Variants in SMIM10L3 observed in about 807,000 individuals in gnomAD.
The protein encoded by SMIM10L3 is salivary gland specific protein SAGSIN1.
chr7:6,333,840 CTTTTTTTTTTTTT>C, the SMIM10L3 span, among the ~76,000 whole-genome samples: 120 of 96,832 alleles, frequency 1.2e-3, 1 homozygote, highest in Middle Eastern at 0.054. Flanking sequence ...CTCCTGGCCT[CTTTTTTTTTTTTT>C]TTTTTTTTGA....
chr7:6,331,136 G>T, the SMIM10L3 span: 1 of 1,612,824 alleles, frequency 6.2e-7, no homozygotes, highest in Non-Finnish European at 8.5e-7. Flanking sequence ...GTGCCGAGGG[G>T]CCCTCTTCTG....
the SMIM10L3 span, among the ~76,000 whole-genome samples, chr7:6,337,772 C>G: frequency 2.6e-5 from 4 of 151,100 alleles, no homozygotes; most frequent in African/African-American, 4.9e-5. Flanking sequence ...ATTTAATTCT[C>G]TCATCAAAAA....
the SMIM10L3 span, chr7:6,338,619 T>G: frequency 6.6e-6 from 1 of 152,340 alleles, no homozygotes; most frequent in South Asian, 2.1e-4. Context: ...TGTCCAGGTA[T>G]ACCCGATCCT....
the SMIM10L3 span, among the ~76,000 whole-genome samples, chr7:6,343,881 T>C: frequency 3.3e-5 from 5 of 152,078 alleles, no homozygotes; most frequent in African/African-American, 1.2e-4. Context: ...ATTCCTGCAA[T>C]GAAGAGGATG....
At chr7:6,330,408 A>C in the SMIM10L3 span, 3 of 1,613,448 alleles carry the variant, frequency 1.9e-6, no homozygotes, top group Non-Finnish European at 2.5e-6. Context: ...CTAATTCAAA[A>C]GGTTGCAGAG....
the SMIM10L3 span, chr7:6,348,963 A>T: frequency 4.2e-5 from 16 of 377,022 alleles, no homozygotes; most frequent in East Asian, 3.5e-4. Flanking sequence ...CTGGCCGCGC[A>T]GCCTGACGTC....
chr7:6,332,107 C>G, the SMIM10L3 span, among the ~76,000 whole-genome samples: 1 of 122,422 alleles, frequency 8.2e-6, no homozygotes, highest in Non-Finnish European at 1.5e-5. Flanking sequence ...TAGACTCCAT[C>G]TCACGGAAAA....
At chr7:6,332,152 A>C in the SMIM10L3 span, among the ~76,000 whole-genome samples, 1 of 151,962 alleles carries the variant, frequency 6.6e-6, no homozygotes, top group South Asian at 2.1e-4. Flanking sequence ...CTTTGAAATG[A>C]ACAAAAAATA....
the SMIM10L3 span, chr7:6,330,991 T>C: frequency 1.9e-6 from 3 of 1,614,248 alleles, no homozygotes; most frequent in South Asian, 1.1e-5. Context: ...ACTTTGTGAA[T>C]TTCCATCAAC....
At chr7:6,339,077 G>A in the SMIM10L3 span, among the ~76,000 whole-genome samples, 1 of 152,166 alleles carries the variant, frequency 6.6e-6, no homozygotes, top group African/African-American at 2.4e-5. Flanking sequence ...AGGAGAAACA[G>A]CAATGACCAC....
the SMIM10L3 span, among the ~76,000 whole-genome samples, chr7:6,347,687 C>G: frequency 6.6e-6 from 1 of 152,132 alleles, no homozygotes. Flanking sequence ...TCAGTTCCAC[C>G]TCTGGCCAAA....
the SMIM10L3 span, among the ~76,000 whole-genome samples, chr7:6,343,660 T>C: frequency 6.6e-6 from 1 of 151,916 alleles, no homozygotes. Flanking sequence ...TAAGGCTTGC[T>C]TGCAAATAGT....
At chr7:6,331,185 G>C in the SMIM10L3 span, 7 of 1,588,218 alleles carry the variant, frequency 4.4e-6, no homozygotes, top group Admixed American at 1.2e-4. Context: ...GTGGGCCTGA[G>C]GTCACGCCTT....
chr7:6,333,168 C>CAAAAAAAA, the SMIM10L3 span, among the ~76,000 whole-genome samples: 1 of 127,988 alleles, frequency 7.8e-6, no homozygotes, highest in Non-Finnish European at 1.8e-5. Flanking sequence ...ATAAAAAAAT[C>CAAAAAAAA]AAAAAAAAAA....
chr7:6,337,459 T>C, the SMIM10L3 span, among the ~76,000 whole-genome samples: 1 of 151,798 alleles, frequency 6.6e-6, no homozygotes, highest in Non-Finnish European at 1.5e-5. Context: ...TCATATAATA[T>C]GGGACAGTGC....
the SMIM10L3 span, among the ~76,000 whole-genome samples, chr7:6,339,897 C>T: frequency 2.0e-4 from 30 of 149,550 alleles, no homozygotes; most frequent in African/African-American, 7.1e-4. Flanking sequence ...ACTGACTTTC[C>T]GCAGGGAGCA....
chr7:6,336,802 G>C, the SMIM10L3 span, among the ~76,000 whole-genome samples: 6 of 151,462 alleles, frequency 4.0e-5, 1 homozygote, highest in South Asian at 1.0e-3. Context: ...CCACAGGTGT[G>C]TGCCACCACA....
chr7:6,330,274 G>A, the SMIM10L3 span: 1 of 1,155,100 alleles, frequency 8.7e-7, no homozygotes, highest in Non-Finnish European at 1.2e-6. Flanking sequence ...AACTACAGCA[G>A]GAACCTAAGG....
chr7:6,341,369 G>A, the SMIM10L3 span, among the ~76,000 whole-genome samples: 3 of 151,482 alleles, frequency 2.0e-5, no homozygotes, highest in Admixed American at 1.3e-4. Context: ...TGTGAACCGG[G>A]AGGCGGAGCT....
Sources: allele counts gnomAD v4.1 joint callset (sites outside exome capture counted in the v4.1 genomes callset), GRCh38; gene constraint gnomAD v4.1.1; transcripts MANE v1.5; gene names NCBI Gene and HGNC (gene_info 2026-07-23, HGNC 2026-07-21).